Variants in KIAA1217 observed in about 807,000 individuals in gnomAD.
KIAA1217 encodes the protein sickle tail protein homolog.
In KIAA1217, 88 loss-of-function variants were observed where a neutral mutation model predicts 163.9. The observed-to-expected ratio is 0.54, with a 90% CI of 0.45 to 0.64. The LOEUF is 0.64. KIAA1217 is among the 30% of genes least tolerant of loss of function. KIAA1217 has a pLI of 0.00. For missense variants in KIAA1217, 2,372 were observed against 2,475.0 expected, an observed-to-expected ratio of 0.96 and a Z score of 0.88; for synonymous variants, 903 against 923.1, an observed-to-expected ratio of 0.98 and a Z score of 0.39.
intron 2 of KIAA1217, among the ~76,000 whole-genome samples, chr10:24,256,046 CAAAAAAAAAAA>C (rs11358712): frequency 5.1e-5 from 4 of 79,100 alleles, no homozygotes; most frequent in Admixed American, 4.9e-4. Flanking sequence ...CTCAGATGAC[CAAAAAAAAAAA>C]AAAAAAAAAA....
At chr10:24,240,866 T>A (rs12355035) in intron 2 of KIAA1217, among the ~76,000 whole-genome samples, 97,098 of 146,838 alleles carry the variant, frequency 0.66, 32,033 homozygotes, top group Non-Finnish European at 0.73. Flanking sequence ...TTTTTTTTTT[T>A]AAAAAAAAAA....
chr10:24,213,289 C>T (rs2068391814), intron 1 of KIAA1217, among the ~76,000 whole-genome samples: 1 of 152,262 alleles, frequency 6.6e-6, no homozygotes, highest in African/African-American at 2.4e-5. Flanking sequence ...GGGGCATAGG[C>T]ATTCCTTGGG....
At chr10:24,328,776 A>T (rs1035256581) in intron 2 of KIAA1217, among the ~76,000 whole-genome samples, 1 of 151,736 alleles carries the variant, frequency 6.6e-6, no homozygotes, top group Admixed American at 6.6e-5. Flanking sequence ...TCTTAGTTTG[A>T]TTCTATGCAC....
rs187432536 is a variant in KIAA1217, at chr10:24,142,184, T to C, written c.-170-77442T>C. On this transcript the variant is annotated intron_variant, in intron 2 of 18. Coordinates refer to the KIAA1217 transcript ENST00000376462. ...CAGAAATACCTGATATGTATTTAGA[T>C]TTCATAAAATTTACAATTGAAAAAA... Among the ~76,000 whole-genome samples the C allele has an allele frequency of 4.3e-4, 65 of 152,286 alleles. 2 individuals carry two copies. In the East Asian group the frequency reaches 0.01, roughly 24 times the overall value.
Position 24,278,011 on chromosome 10 carries a change from A to C in KIAA1217, c.354+58102A>C, listed in dbSNP as rs115936406. On this transcript the variant is annotated intron_variant, in intron 2 of 20. Transcript: ENST00000376454. ...ATGGACCTATGCCTTTTGTCCTTTG[A>C]GGACGGACGCACAGTCTGTGCAGCT... Among the ~76,000 whole-genome samples the C allele has an allele frequency of 7.6e-3, 1,157 of 152,326 alleles. 15 individuals carry two copies. The highest frequency in any genetic ancestry group is 0.026 in the African/African-American group (1,090 of 41,572).
chr10:24,312,901 G>A (rs908466782), intron 2 of KIAA1217, among the ~76,000 whole-genome samples: 7 of 152,086 alleles, frequency 4.6e-5, no homozygotes, highest in East Asian at 3.9e-4. Flanking sequence ...AGGTGACAGC[G>A]CACATCCTTG....
Position 24,473,323 on chromosome 10 carries a change from A to ACCGTCTACTCCAGTGCCCCATTC in KIAA1217, c.944_966dup (p.Met323ArgfsTer54). 6.4e-7 allele frequency: 1 copy of ACCGTCTACTCCAGTGCCCCATTC among 1,566,092 alleles called. No homozygotes were observed. Among genetic ancestry groups the ACCGTCTACTCCAGTGCCCCATTC allele is most frequent in the South Asian group, 1.2e-5 (1 of 82,196 alleles). ...CACCCCATGCGATTCCAAATTCCCC[A>ACCGTCTACTCCAGTGCCCCATTC]CCGTCTACTCCAGTGCCCCATTCCA... On this transcript the variant is annotated frameshift_variant, in exon 6 of 21. Transcript: ENST00000376454. LOFTEE classifies it high-confidence loss of function.
chr10:24,132,449 C>T (rs931339726), intron 2 of KIAA1217, among the ~76,000 whole-genome samples: 2 of 152,148 alleles, frequency 1.3e-5, no homozygotes, highest in Non-Finnish European at 2.9e-5. Context: ...TACATATTGC[C>T]TATGAGAGAA....
rs144003555 is a variant in KIAA1217, at chr10:23,705,088, A to G, written c.-321+9854A>G. On this transcript the variant is annotated intron_variant, in intron 1 of 18. Coordinates refer to the KIAA1217 transcript ENST00000376462. ...TCATGTGCTTATTGGACATTTGCATATCTTCTTTGGAGAAATGTCTATTCA... is the reference window on the plus strand; with the variant it reads ...TCATGTGCTTATTGGACATTTGCATGTCTTCTTTGGAGAAATGTCTATTCA... Among the ~76,000 whole-genome samples, 1,336 of 152,212 alleles carry G rather than the reference A, an allele frequency of 8.8e-3. 9 individuals are homozygous for G. The highest frequency in any genetic ancestry group is 0.071 in the Middle Eastern group (21 of 294).
intron 2 of KIAA1217, among the ~76,000 whole-genome samples, chr10:24,102,166 C>T (rs1206997339): frequency 6.6e-6 from 1 of 152,056 alleles, no homozygotes; most frequent in Non-Finnish European, 1.5e-5. Flanking sequence ...AAAAAAATGT[C>T]CTGGAATGAA....
intron 2 of KIAA1217, among the ~76,000 whole-genome samples, chr10:24,282,534 T>C (rs2078068006): frequency 5.9e-5 from 9 of 152,210 alleles, no homozygotes; most frequent in Admixed American, 5.9e-4. Context: ...GATATTTATT[T>C]TCACTTTGGG....
At chr10:24,414,429 A>G (rs1426236604) in intron 3 of KIAA1217, among the ~76,000 whole-genome samples, 1 of 152,216 alleles carries the variant, frequency 6.6e-6, no homozygotes, top group Non-Finnish European at 1.5e-5. Context: ...TGATTGGGGT[A>G]GCTCAGTATG....
chr10:24,006,827 TTAA>T (rs1416340072), intron 1 of KIAA1217, among the ~76,000 whole-genome samples: 1 of 152,198 alleles, frequency 6.6e-6, no homozygotes, highest in African/African-American at 2.4e-5. Flanking sequence ...CACATCATCC[TTAA>T]TAAAGGGATT....
At chr10:23,842,788 G>A (rs1838848266) in intron 1 of KIAA1217, among the ~76,000 whole-genome samples, 1 of 151,900 alleles carries the variant, frequency 6.6e-6, no homozygotes, top group Non-Finnish European at 1.5e-5. Context: ...CCAAGCAGAA[G>A]AGTTTCCAAA....
chr10:24,449,876 G>A (rs770216771), intron 5 of KIAA1217: 17 of 368,940 alleles, frequency 4.6e-5, no homozygotes, highest in Non-Finnish European at 6.0e-5. Context: ...TGCAATAGGC[G>A]ATTGCAATTT....
intron 1 of KIAA1217, among the ~76,000 whole-genome samples, chr10:23,716,699 G>C (rs983445461): frequency 6.6e-6 from 1 of 152,136 alleles, no homozygotes; most frequent in African/African-American, 2.4e-5. Context: ...CACCTTACTA[G>C]GAGCAGCTTT....
At position 24,026,054 on chromosome 10, in the gene KIAA1217, T is replaced by A. The variant is rs117882681; in HGVS notation, c.-171+18680T>A. On this transcript the variant is annotated intron_variant, in intron 2 of 18. Coordinates refer to the KIAA1217 transcript ENST00000376462. ...CCATCAGTAAAATGCTGAATAGAAA[T>A]GGTAAGGGGAAATGTAGTACCTTTT... is the stretch of plus-strand genomic sequence containing the variant. 1.5e-4 allele frequency among the ~76,000 whole-genome samples: 23 copies of A among 151,992 alleles called. No individual in the cohort carries two copies. The East Asian group carries it at 4.4e-3, about 29-fold the overall frequency.
intron 2 of KIAA1217, among the ~76,000 whole-genome samples, chr10:24,108,548 G>C (rs1265551871): frequency 6.6e-6 from 1 of 152,130 alleles, no homozygotes; most frequent in Non-Finnish European, 1.5e-5. Context: ...GTCAACTAAA[G>C]ATTAGAAAAA....
chr10:24,291,169 A>T (rs2079050840), intron 2 of KIAA1217, among the ~76,000 whole-genome samples: 1 of 152,202 alleles, frequency 6.6e-6, no homozygotes, highest in African/African-American at 2.4e-5. Flanking sequence ...TTTTCTTCCC[A>T]TATAAGCATG....
Sources: allele counts gnomAD v4.1 joint callset (sites outside exome capture counted in the v4.1 genomes callset), GRCh38; gene constraint gnomAD v4.1.1; transcripts MANE v1.5; gene names NCBI Gene and HGNC (gene_info 2026-07-23, HGNC 2026-07-21).